Variants in UGT1A8 observed in about 807,000 individuals in gnomAD.
The protein encoded by UGT1A8 is UDP glucuronosyltransferase family 1 member A8, also known as UDP-glucuronosyltransferase 1A8.
Under a neutral mutation model 45.3 loss-of-function variants are expected in UGT1A8, and 39 were observed. The ratio of observed to expected loss-of-function variants is 0.86; its 90% CI spans 0.67 to 1.12. UGT1A8 has a LOEUF of 1.12. Ranked by LOEUF, UGT1A8 falls within the 50% of genes most tolerant of loss-of-function variation. The probability of loss-of-function intolerance (pLI) is 0.00; values close to 1 mark genes in which losing one functional copy is unlikely to be tolerated. For missense variants in UGT1A8, 719 were observed against 664.9 expected (o/e 1.08, Z -0.90); for synonymous variants, 275 against 249.2 (o/e 1.10, Z -0.97).
intron 1 of UGT1A8, among the ~76,000 whole-genome samples, chr2:233,655,436 C>T (rs975297040): frequency 6.6e-5 from 10 of 152,180 alleles, no homozygotes; most frequent in African/African-American, 2.4e-4. Context: ...CTGGCCACAT[C>T]ATTAGCAGAT....
In UGT1A8 at chr2:233,768,234, C is replaced by G. The variant is rs55750087; in HGVS notation, c.1090C>G (p.Arg364Gly). 2 of 1,614,044 alleles carry G rather than the reference C, an allele frequency of 1.2e-6. No homozygotes were observed. The highest frequency in any genetic ancestry group is 4.5e-5 in the East Asian group (2 of 44,882). Reference protein sequence around the residue: ...QNDLLGHPMTRAFITHAGSHG... With the variant: ...QNDLLGHPMTGAFITHAGSHG... ...TTGCATCTCAGGTCACCCGATGACCCGTGCCTTTATCACCCATGCTGGTTC... is the reference window on the plus strand; with the variant it reads ...TTGCATCTCAGGTCACCCGATGACCGGTGCCTTTATCACCCATGCTGGTTC... Residue 364 changes from arginine (R) to glycine (G), a missense_variant, in exon 4 of 5, where the codon CGT becomes GGT. Arg to Gly is a moderately radical substitution (Grantham distance 125). Coordinates refer to ENST00000373450, the MANE Select transcript of UGT1A8 (RefSeq NM_019076.5).
chr2:233,755,002 C>G, intron 1 of UGT1A8: 1 of 1,294,350 alleles, frequency 7.7e-7, no homozygotes, highest in Non-Finnish European at 1.0e-6. Context: ...AAGCTGAAGA[C>G]CTACTCGAAG....
chr2:233,701,261 T>TCAAAGG (rs978428672), intron 1 of UGT1A8, among the ~76,000 whole-genome samples: 1 of 152,156 alleles, frequency 6.6e-6, no homozygotes, highest in African/African-American at 2.4e-5. Context: ...GGTCAAATGG[T>TCAAAGG]ATTTCTAGTT....
In UGT1A8 at chr2:233,772,791, C is replaced by A; in HGVS notation, c.*232C>A. On this transcript the variant is annotated 3_prime_UTR_variant, in exon 5 of 5. Coordinates refer to ENST00000373450, the MANE Select transcript of UGT1A8 (RefSeq NM_019076.5). ...CCTCTGGTGTCTTTGATCAGGATGACATGTGCCATTTTTCAGAGGACGTGC... is the reference window on the plus strand; with the variant it reads ...CCTCTGGTGTCTTTGATCAGGATGAAATGTGCCATTTTTCAGAGGACGTGC... The A allele has an allele frequency of 8.2e-7, 1 of 1,224,562 alleles. No individual in the cohort carries two copies. Among genetic ancestry groups the A allele is most frequent in the Non-Finnish European group, 1.1e-6 (1 of 921,630 alleles). 75.9% of individuals were successfully genotyped at this position (1,224,562 alleles called of 1,614,324 possible).
chr2:233,717,764 C>T (rs1326469547), intron 1 of UGT1A8: 3 of 456,554 alleles, frequency 6.6e-6, no homozygotes, highest in Non-Finnish European at 1.3e-5. Context: ...GAAAGGCACA[C>T]ATTTAATTCT....
chr2:233,671,957 G>GC (rs747116611), intron 1 of UGT1A8: 1 of 1,613,220 alleles, frequency 6.2e-7, no homozygotes, highest in African/African-American at 1.3e-5. Context: ...GGGTGGACCA[G>GC]CCCCCTTCCT....
chr2:233,683,230 TATC>T lies in UGT1A8; in HGVS notation c.855+64671_855+64673del, dbSNP rs1332464727. On this transcript the variant is annotated intron_variant, in intron 1 of 4. Coordinates refer to ENST00000373450, the MANE Select transcript of UGT1A8 (RefSeq NM_019076.5). ...TCTATTTTATCAATATAAAATCTAC[TATC>T]ATGCTGGCTATGTTTTTTTATGTTA... Among the ~76,000 whole-genome samples, 4 of 152,196 alleles carry T rather than the reference TATC, an allele frequency of 2.6e-5. No individual in the cohort carries two copies. In the East Asian group the frequency reaches 7.7e-4, roughly 29 times the overall value.
At chr2:233,760,250 G>T in intron 1 of UGT1A8, 1 of 1,601,220 alleles carries the variant, frequency 6.2e-7, no homozygotes. Context: ...ATATATATAA[G>T]TAGGAGAGGG....
chr2:233,670,149 TAAG>T (rs2125498981), intron 1 of UGT1A8, among the ~76,000 whole-genome samples: 1 of 152,356 alleles, frequency 6.6e-6, no homozygotes, highest in African/African-American at 2.4e-5. Flanking sequence ...AAAATGTTAT[TAAG>T]AAAATCTTAA....
chr2:233,743,602 G>A (rs1559387317), intron 1 of UGT1A8: 9 of 1,367,156 alleles, frequency 6.6e-6, no homozygotes, highest in African/African-American at 3.0e-5. Flanking sequence ...GGTCCTGGCC[G>A]CCGAAGAACT....
intron 1 of UGT1A8, among the ~76,000 whole-genome samples, chr2:233,684,047 C>T (rs1428470134): frequency 1.1e-4 from 17 of 152,174 alleles, no homozygotes; most frequent in Admixed American, 1.0e-3. Context: ...CCAGGTGAAA[C>T]ACCTGGTGTC....
intron 1 of UGT1A8, among the ~76,000 whole-genome samples, chr2:233,739,678 T>A (rs1691173919): frequency 6.6e-6 from 1 of 152,240 alleles, no homozygotes; most frequent in Non-Finnish European, 1.5e-5. Context: ...TGGAAGTTAC[T>A]AACTTGTTTT....
chr2:233,670,260 G>A (rs1306555366), intron 1 of UGT1A8, among the ~76,000 whole-genome samples: 1 of 152,226 alleles, frequency 6.6e-6, no homozygotes, highest in African/African-American at 2.4e-5. Context: ...GGAGGAAGAG[G>A]TGGGTTGGTT....
chr2:233,620,756 A>G (rs1211405321), intron 1 of UGT1A8, among the ~76,000 whole-genome samples: 1 of 152,170 alleles, frequency 6.6e-6, no homozygotes, highest in African/African-American at 2.4e-5. Flanking sequence ...AGAGCCTTGG[A>G]TATGGCCCAA....
At chr2:233,772,210 A>T in intron 4 of UGT1A8, 52 bp from the exon 5 acceptor site, 1 of 1,610,530 alleles carries the variant, frequency 6.2e-7, no homozygotes, top group Non-Finnish European at 8.5e-7. Flanking sequence ...TAAAGAGAGG[A>T]TTGTTCATAC....
At chr2:233,631,361 G>A (rs1227908356) in intron 1 of UGT1A8, among the ~76,000 whole-genome samples, 1 of 152,064 alleles carries the variant, frequency 6.6e-6, no homozygotes, top group Admixed American at 6.6e-5. Flanking sequence ...CCTAGTAATG[G>A]GATTGCTGGG....
intron 1 of UGT1A8, among the ~76,000 whole-genome samples, chr2:233,665,669 T>C (rs1392737262): frequency 6.6e-6 from 1 of 152,208 alleles, no homozygotes; most frequent in African/African-American, 2.4e-5. Flanking sequence ...TCTGTAATAA[T>C]TGGCTGACCC....
intron 1 of UGT1A8, among the ~76,000 whole-genome samples, chr2:233,659,311 A>C (rs1266841493): frequency 6.6e-6 from 1 of 152,212 alleles, no homozygotes; most frequent in East Asian, 1.9e-4. Context: ...TAACTTAACT[A>C]TTAATAGCCT....
intron 1 of UGT1A8, among the ~76,000 whole-genome samples, chr2:233,706,519 A>C (rs2075911492): frequency 6.6e-6 from 1 of 152,224 alleles, no homozygotes; most frequent in Non-Finnish European, 1.5e-5. Context: ...AGGATTTTAC[A>C]GCGGCTTAGA....
Sources: gnomAD v4.1 joint callset for allele counts (sites outside exome capture counted in the v4.1 genomes callset) on GRCh38, gnomAD v4.1.1 for gene constraint, MANE v1.5 for transcripts, NCBI Gene and HGNC (gene_info 2026-07-23, HGNC 2026-07-21) for gene names.